Variants in HSDL2 observed in about 807,000 individuals in gnomAD.
The protein encoded by HSDL2 is hydroxysteroid dehydrogenase like 2, also known as hydroxysteroid dehydrogenase-like protein 2.
HSDL2 carries 27 observed loss-of-function variants against 46.3 expected under a neutral mutation model. The observed-to-expected ratio is 0.58, with a 90% CI of 0.43 to 0.80. The LOEUF (loss-of-function observed/expected upper bound fraction) is 0.80. Ranked by LOEUF, HSDL2 falls within the 30% of genes least tolerant of loss-of-function variation. The probability of loss-of-function intolerance (pLI) is 0.00; values close to 1 mark genes in which losing one functional copy is unlikely to be tolerated. For synonymous variants in HSDL2, 153 were observed against 163.6 expected (o/e 0.94, Z 0.50); for missense variants, 451 against 502.7 (o/e 0.90, Z 0.98).
chr9:112,464,085 A>G (rs932883301), intron 10 of HSDL2, among the ~76,000 whole-genome samples: 1 of 151,828 alleles, frequency 6.6e-6, no homozygotes. Context: ...TTGAGTTGTC[A>G]GCCAGGCATG....
intron 1 of HSDL2, among the ~76,000 whole-genome samples, chr9:112,381,637 A>G (rs1477575630): frequency 1.3e-5 from 2 of 152,172 alleles, no homozygotes; most frequent in Non-Finnish European, 2.9e-5. Flanking sequence ...TACAGGCGTA[A>G]GCCACTGCGC....
At chr9:112,429,412 C>T (rs1832333116) in intron 6 of HSDL2, among the ~76,000 whole-genome samples, 1 of 152,210 alleles carries the variant, frequency 6.6e-6, no homozygotes, top group Non-Finnish European at 1.5e-5. Context: ...TTGTTACCAC[C>T]ATTTGTACTT....
intron 6 of HSDL2, among the ~76,000 whole-genome samples, chr9:112,426,231 C>CTTT (rs1832242112): frequency 8.4e-6 from 1 of 118,870 alleles, no homozygotes. Context: ...TCTGGTAAGC[C>CTTT]TTCTTTTTTT....
chr9:112,458,898 A>G lies in HSDL2; in HGVS notation c.1016-551A>G, dbSNP rs371092056. 2.0e-5 allele frequency among the ~76,000 whole-genome samples: 3 copies of G among 151,704 alleles called. No individual in the cohort carries two copies. The East Asian group carries it at 5.9e-4, about 30-fold the overall frequency. On this transcript the variant is annotated intron_variant, in intron 9 of 10. Coordinates refer to ENST00000398805, the MANE Select transcript of HSDL2 (RefSeq NM_032303.5). ...AGGGAGGCTGAGGCAGGAGAATAGC[A>G]TGAACCCGGGAGGCGGAGCTTGCAG...
At chr9:112,455,948 T>C (rs1406807907) in intron 9 of HSDL2, among the ~76,000 whole-genome samples, 1 of 152,192 alleles carries the variant, frequency 6.6e-6, no homozygotes, top group Admixed American at 6.5e-5. Flanking sequence ...ACCAAGTACC[T>C]GGGATCTTCC....
chr9:112,386,750 A>AC (rs1831226559), intron 1 of HSDL2, among the ~76,000 whole-genome samples: 1 of 152,194 alleles, frequency 6.6e-6, no homozygotes, highest in Admixed American at 6.5e-5. Flanking sequence ...GCCATTGCAC[A>AC]CCAGCCTGGG....
intron 9 of HSDL2, among the ~76,000 whole-genome samples, chr9:112,457,686 TTC>T (rs1407288781): frequency 1.3e-5 from 2 of 152,172 alleles, no homozygotes; most frequent in Non-Finnish European, 2.9e-5. Context: ...TTCAGTAGTC[TTC>T]TCTCACTTAA....
At chr9:112,404,225 G>A (rs1362323744) in intron 2 of HSDL2, 67 bp downstream of exon 2, 1 of 1,482,848 alleles carries the variant, frequency 6.7e-7, no homozygotes, top group Non-Finnish European at 9.3e-7. Flanking sequence ...GAATTTGCTG[G>A]AGAGTTTAGT....
intron 9 of HSDL2, among the ~76,000 whole-genome samples, chr9:112,456,798 C>G (rs1833040316): frequency 6.6e-6 from 1 of 152,134 alleles, no homozygotes; most frequent in South Asian, 2.1e-4. Flanking sequence ...ATGAAATCTG[C>G]TGAGTGTCTG....
intron 5 of HSDL2, among the ~76,000 whole-genome samples, chr9:112,418,188 T>C (rs564334803): frequency 3.1e-4 from 47 of 152,328 alleles, no homozygotes; most frequent in Admixed American, 6.5e-4. Context: ...GAGGGAGATA[T>C]ATAAAATGAT....
intron 6 of HSDL2, among the ~76,000 whole-genome samples, chr9:112,428,444 A>C (rs557235595): frequency 6.6e-6 from 1 of 152,332 alleles, no homozygotes; most frequent in Non-Finnish European, 1.5e-5. Flanking sequence ...AAAAGATGAG[A>C]GTGAAAAAGG....
chr9:112,446,354 T>G (rs976324321), intron 8 of HSDL2, among the ~76,000 whole-genome samples: 2 of 152,166 alleles, frequency 1.3e-5, no homozygotes, highest in Non-Finnish European at 2.9e-5. Flanking sequence ...CCTGGCTCAG[T>G]GGCTAATGCC....
intron 9 of HSDL2, among the ~76,000 whole-genome samples, chr9:112,458,699 C>G (rs1833106389): frequency 6.6e-6 from 1 of 151,996 alleles, no homozygotes. Flanking sequence ...CAATCATCAC[C>G]TGCCGGGCAC....
rs771878471 is a variant in HSDL2 at position 112,416,893 on chromosome 9, A to C, written c.448A>C (p.Asn150His). The C allele has an allele frequency of 3.1e-6, 5 of 1,607,586 alleles. No individual in the cohort carries two copies. Among genetic ancestry groups the C allele is most frequent in the African/African-American group, 1.3e-5 (1 of 74,794 alleles). The change falls in exon 5 of 11, where the codon AAT becomes CAT. Residue 150 changes from asparagine (N) to histidine (H), a missense_variant. Physicochemically the swap from Asn to His is moderately conservative, Grantham distance 68. Transcript: ENST00000398805. ...AAAGAGCAAAGTTGCTCATATCCTCAATATCAGTCCACCACTGAACCTAAA... is the reference window on the plus strand; with the variant it reads ...AAAGAGCAAAGTTGCTCATATCCTCCATATCAGTCCACCACTGAACCTAAA... ...LKKSKVAHILNISPPLNLNPV... is the reference protein window; with the variant it reads ...LKKSKVAHILHISPPLNLNPV...
chr9:112,441,746 G>A lies in HSDL2; in HGVS notation c.841G>A (p.Val281Ile). The change falls in exon 8 of 11, where the codon GTT becomes ATT. Residue 281 changes from valine (V) to isoleucine (I), a missense_variant. Coordinates refer to ENST00000398805, the MANE Select transcript of HSDL2 (RefSeq NM_032303.5). ...CTTCTTAGATGAATACCCAGAAGCA[G>A]TTAGCAAGAAAGTGGAATCAACTGG... is the stretch of plus-strand genomic sequence containing the variant. Reference protein sequence around the residue: ...DFFLDEYPEAVSKKVESTGAV... With the variant: ...DFFLDEYPEAISKKVESTGAV... 6.2e-7 allele frequency: 1 copy of A among 1,611,506 alleles called. No homozygotes were observed. The highest frequency in any genetic ancestry group is 8.5e-7 in the Non-Finnish European group (1 of 1,177,822).
intron 5 of HSDL2, among the ~76,000 whole-genome samples, chr9:112,418,648 A>G (rs773577957): frequency 4.6e-5 from 7 of 151,790 alleles, no homozygotes; most frequent in Non-Finnish European, 8.8e-5. Context: ...TTCCTGATAT[A>G]TATGTGTGCG....
intron 1 of HSDL2, among the ~76,000 whole-genome samples, chr9:112,385,183 G>T (rs7039649): frequency 4.6e-5 from 7 of 152,084 alleles, no homozygotes; most frequent in African/African-American, 1.7e-4. Flanking sequence ...GGAAGGGATA[G>T]TTTTTCACAT....
intron 8 of HSDL2, among the ~76,000 whole-genome samples, chr9:112,448,090 C>T (rs1016964301): frequency 6.6e-6 from 1 of 152,116 alleles, no homozygotes; most frequent in African/African-American, 2.4e-5. Flanking sequence ...CTCTTACTTT[C>T]CTTGTGTAAT....
chr9:112,396,909 A>C (rs1831469534), intron 1 of HSDL2, among the ~76,000 whole-genome samples: 1 of 152,112 alleles, frequency 6.6e-6, no homozygotes, highest in South Asian at 2.1e-4. Flanking sequence ...CTTGAAGCAG[A>C]AATGCAACAC....
Sources: allele counts gnomAD v4.1 joint callset (sites outside exome capture counted in the v4.1 genomes callset), GRCh38; gene constraint gnomAD v4.1.1; transcripts MANE v1.5; gene names NCBI Gene and HGNC (gene_info 2026-07-23, HGNC 2026-07-21).